Variants in FN1 observed in about 807,000 individuals in gnomAD.
FN1 encodes the protein fibronectin 1.
A neutral mutation model predicts 297.3 loss-of-function variants in FN1; 106 were observed. That is an observed-to-expected ratio of 0.36 (90% confidence interval 0.30 to 0.42). The LOEUF is 0.42. Among genes scored for constraint, FN1 ranks in the 10% least tolerant of loss-of-function variants. FN1 has a pLI of 1.00. For synonymous variants in FN1, 1,149 were observed against 1,152.6 expected, an observed-to-expected ratio of 1.00 and a Z score of 0.06; for missense variants, 2,690 against 3,124.9, an observed-to-expected ratio of 0.86 and a Z score of 3.32.
chr2:215,400,751 CAAAAAAAAAAA>C (rs1175226865), intron 20 of FN1, among the ~76,000 whole-genome samples: 3 of 56,218 alleles, frequency 5.3e-5, no homozygotes, highest in African/African-American at 1.8e-4. Flanking sequence ...GGCTCCATCT[CAAAAAAAAAAA>C]AAAAAAAAAA....
rs1183521467 is a variant in FN1 at position 215,424,213 on chromosome 2, A to T, written c.1149T>A (p.His383Gln). 1.2e-6 allele frequency: 2 copies of T among 1,614,080 alleles called. No individual in the cohort carries two copies. Among genetic ancestry groups the T allele is most frequent in the African/African-American group, 2.7e-5 (2 of 74,934 alleles). Reference sequence around the variant, plus strand: ...AATTCGAAGTTGTGCTGCACCAAAGATGTCCGTCCTGTCGCCCTTCTGTGG... The same window carrying T: ...AATTCGAAGTTGTGCTGCACCAAAGTTGTCCGTCCTGTCGCCCTTCTGTGG... ...SCTTEGRQDG[H>Q]LWCSTTSNYE... The change falls in exon 8 of 46, where the codon CAT becomes CAA. Residue 383 changes from histidine to glutamine, a missense_variant. This residue lies in a region of FN1 where 876 missense variants were observed against 1,058.1 expected (regional missense o/e 0.83). Coordinates refer to ENST00000354785, the MANE Select transcript of FN1 (RefSeq NM_212482.4).
rs1292362388 is a variant in FN1 at position 215,380,816 on chromosome 2, G to C, written c.5429C>G (p.Ser1810Cys). 3 of 1,612,774 alleles carry C rather than the reference G, an allele frequency of 1.9e-6. No homozygotes were observed. The highest frequency in any genetic ancestry group is 2.5e-6 in the Non-Finnish European group (3 of 1,179,940). ...MESQPLIGTQ[S>C]TAIPAPTDLK... ...TGGTGCAATTAACCATATACCTGTG[G>C]ACTGGGTTCCAATCAGGGGCTGGCT... The change falls in exon 33 of 46, where the codon TCC becomes TGC. Residue 1810 changes from serine to cysteine, a missense_variant. By Grantham distance (112) the Ser-to-Cys change is moderately radical (BLOSUM62 -1). Around this residue, in one of 3 missense-constraint regions of FN1, gnomAD observed 1,743 missense variants for 1,945.2 expected, o/e 0.90. Coordinates refer to ENST00000354785, the MANE Select transcript of FN1 (RefSeq NM_212482.4).
rs375996685 is a variant in FN1, at chr2:215,414,927, A to G, written c.1851T>C (p.Thr617=). 1 of 1,613,842 alleles carries G rather than the reference A, an allele frequency of 6.2e-7. No individual in the cohort carries two copies. Among genetic ancestry groups the G allele is most frequent in the Non-Finnish European group, 8.5e-7 (1 of 1,179,882 alleles). Residue 617 remains threonine (T), a synonymous_variant, in exon 13 of 46, where the codon ACT becomes ACC. Transcript: ENST00000354785. ...GGGAGTTGGGCTGACTCGGAGTCTC[A>G]GTGATAAATACTTCGACAGGACCAC... ...SSSGPVEVFI[T]ETPSQPNSHP... is the part of the protein sequence containing the mutation.
At chr2:215,413,678 GT>G (rs2063020992) in intron 13 of FN1, among the ~76,000 whole-genome samples, 1 of 152,150 alleles carries the variant, frequency 6.6e-6, no homozygotes, top group Non-Finnish European at 1.5e-5. Context: ...TGGAAGCACT[GT>G]TTGCTGGACC....
rs780026011 is a variant in FN1, at chr2:215,419,332, C to T, written c.1729G>A (p.Glu577Lys). The change falls in exon 12 of 46, where the codon GAG becomes AAG. Residue 577 changes from glutamate (E) to lysine (K), a missense_variant. Around this residue, in one of 3 missense-constraint regions of FN1, gnomAD observed 876 missense variants for 1,058.1 expected, o/e 0.83. Coordinates refer to ENST00000354785, the MANE Select transcript of FN1 (RefSeq NM_212482.4). ...TATCTGACACCATGCACATACTTCT[C>T]CCATGAATCTCCAATTTGATAAAAC... ...GTFYQIGDSW[E>K]KYVHGVRYQC... The T allele has an allele frequency of 1.5e-4, 244 of 1,612,862 alleles. No homozygotes were observed. The highest frequency in any genetic ancestry group is 2.0e-4 in the Non-Finnish European group (241 of 1,178,954).
intron 26 of FN1, among the ~76,000 whole-genome samples, chr2:215,390,404 CG>C (rs1265075674): frequency 3.3e-5 from 5 of 152,132 alleles, no homozygotes; most frequent in African/African-American, 1.2e-4. Context: ...AGGCTGGTCT[CG>C]AACTCCTGGG....
chr2:215,428,462 T>A, intron 5 of FN1, 124 bp from the exon 6 acceptor site: 1 of 821,276 alleles, frequency 1.2e-6, no homozygotes, highest in Non-Finnish European at 2.0e-6. Context: ...CATATTCAGC[T>A]CTGGTGCTGC....
chr2:215,415,269 A>G (rs936077758), intron 12 of FN1, among the ~76,000 whole-genome samples: 8 of 152,230 alleles, frequency 5.3e-5, no homozygotes, highest in African/African-American at 1.9e-4. Flanking sequence ...AAGAATTGTG[A>G]GAAAATTGTG....
chr2:215,376,023 CTT>C, intron 36 of FN1, among the ~76,000 whole-genome samples: 1 of 152,286 alleles, frequency 6.6e-6, no homozygotes, highest in Non-Finnish European at 1.5e-5. Context: ...GAGGTTTTCT[CTT>C]TACCGTAATC....
chr2:215,414,612 G>GC (rs572815095), intron 13 of FN1: 72 of 1,077,542 alleles, frequency 6.7e-5, no homozygotes, highest in Middle Eastern at 6.7e-4. Context: ...CCAAATACCA[G>GC]CCCCCCCACC....
At chr2:215,377,299 A>G (rs957404426) in intron 35 of FN1, among the ~76,000 whole-genome samples, 2 of 152,098 alleles carry the variant, frequency 1.3e-5, no homozygotes, top group African/African-American at 4.8e-5. Context: ...TATAATTTGG[A>G]TATTTGTCCC....
At position 215,409,659 on chromosome 2, in the gene FN1, T is replaced by A; in HGVS notation, c.2203A>T (p.Ser735Cys). 6.2e-7 allele frequency: 1 copy of A among 1,613,826 alleles called. No individual in the cohort carries two copies. ...SESVTEITASSFVVSWVSASD... is the reference protein window; with the variant it reads ...SESVTEITASCFVVSWVSASD... ...GCTGAGACCCAGGAGACCACAAAGC[T>A]ACTGGCTGTGATTTCGGTCACAGAT... The change falls in exon 15 of 46, where the codon AGC (serine) becomes TGC (cysteine). Residue 735 changes from serine (S) to cysteine (C), a missense_variant. Coordinates refer to ENST00000354785, the MANE Select transcript of FN1 (RefSeq NM_212482.4).
At chr2:215,401,786 C>T (rs548867200) in intron 20 of FN1, among the ~76,000 whole-genome samples, 10 of 151,940 alleles carry the variant, frequency 6.6e-5, no homozygotes, top group African/African-American at 2.4e-4. Flanking sequence ...TTCTAAGGAG[C>T]CATTTTTTAT....
Position 215,360,897 on chromosome 2 carries a change from T to C in FN1, c.*658A>G, listed in dbSNP as rs1028819956. Reference sequence around the variant, plus strand: ...TAAATCTTTTATTAAAACAGTTGTCTTTCCACAGTAGTAAAGCTTTGGCAC... The same window carrying C: ...TAAATCTTTTATTAAAACAGTTGTCCTTCCACAGTAGTAAAGCTTTGGCAC... On this transcript the variant is annotated 3_prime_UTR_variant, in exon 46 of 46. Coordinates refer to ENST00000354785, the MANE Select transcript of FN1 (RefSeq NM_212482.4). The C allele has an allele frequency of 2.6e-5, 4 of 152,680 alleles. No homozygotes were observed. Among genetic ancestry groups the C allele is most frequent in the African/African-American group, 4.8e-5 (2 of 41,444 alleles). The allele number at this position is 152,680 out of a possible 1,614,324, so 9.5% of individuals were successfully genotyped here. A position where few individuals can be genotyped will look rare whatever the true frequency, so the allele number is the denominator to read the frequency against.
At position 215,380,794 on chromosome 2, in the gene FN1, T is replaced by C. The variant is rs750712577; in HGVS notation, c.5434+17A>G. On this transcript the variant is annotated intron_variant, in intron 33 of 45. Coordinates refer to ENST00000354785, the MANE Select transcript of FN1 (RefSeq NM_212482.4). ...CGCTGCTCCCATGGGCACCTGGTGG[T>C]GCAATTAACCATATACCTGTGGACT... 6.2e-7 allele frequency: 1 copy of C among 1,612,362 alleles called. No individual in the cohort carries two copies. The highest frequency in any genetic ancestry group is 8.5e-7 in the Non-Finnish European group (1 of 1,179,840).
chr2:215,429,046 A>T (rs1321825547), intron 5 of FN1, among the ~76,000 whole-genome samples: 1 of 152,052 alleles, frequency 6.6e-6, no homozygotes, highest in South Asian at 2.1e-4. Flanking sequence ...AACAAAAAAA[A>T]CAAGCAAACA....
intron 9 of FN1, among the ~76,000 whole-genome samples, 163 bp from the exon 10 acceptor site, chr2:215,422,406 G>C (rs1047254291): frequency 6.6e-6 from 1 of 152,206 alleles, no homozygotes; most frequent in African/African-American, 2.4e-5. Flanking sequence ...TGAAGGGGTA[G>C]AATTTTTGAG....
Position 215,425,250 on chromosome 2 carries a change from A to G in FN1, c.880T>C (p.Tyr294His). The change falls in exon 7 of 46, where the codon TAC becomes CAC. Residue 294 changes from tyrosine (Y) to histidine (H), a missense_variant. Tyr to His is a moderately conservative substitution (Grantham distance 83). Coordinates refer to ENST00000354785, the MANE Select transcript of FN1 (RefSeq NM_212482.4). ...GPFTDVRAAV[Y>H]QPQPHPQPPP... ...GGCTGGGGGTGAGGCTGCGGTTGGT[A>G]AACAGCTGCACGAACATCGGTGAAG... The G allele has an allele frequency of 6.2e-7, 1 of 1,614,146 alleles. No homozygotes were observed. The highest frequency in any genetic ancestry group is 8.5e-7 in the Non-Finnish European group (1 of 1,180,034).
At chr2:215,398,672 A>G (rs937734055) in intron 21 of FN1, among the ~76,000 whole-genome samples, 3 of 152,182 alleles carry the variant, frequency 2.0e-5, no homozygotes, top group Admixed American at 2.0e-4. Flanking sequence ...TTCACACTAA[A>G]TGCCAAAGAA....
Sources: allele counts gnomAD v4.1 joint callset (sites outside exome capture counted in the v4.1 genomes callset), GRCh38; gene constraint gnomAD v4.1.1; regional missense constraint gnomAD v4.1.1; transcripts MANE v1.5; gene names NCBI Gene and HGNC (gene_info 2026-07-23, HGNC 2026-07-21).